The following GABRA3 variants were observed in gnomAD, a reference collection of about 807,000 sequenced individuals.
The protein encoded by GABRA3 is gamma-aminobutyric acid type A receptor subunit alpha3, also known as gamma-aminobutyric acid receptor subunit alpha-3.
Under a neutral mutation model 30.1 loss-of-function variants are expected in GABRA3, and 10 were observed. That is an observed-to-expected ratio of 0.33 (90% confidence interval 0.20 to 0.56). The LOEUF (loss-of-function observed/expected upper bound fraction) is 0.56, where lower values mean the gene tolerates loss of function less well. Among genes scored for constraint, GABRA3 ranks in the 20% least tolerant of loss-of-function variants. The pLI is 0.89. For synonymous variants in GABRA3, 151 were observed against 146.8 expected, an observed-to-expected ratio of 1.03 and a Z score of -0.21; for missense variants, 233 against 392.0, an observed-to-expected ratio of 0.59 and a Z score of 3.42.
At chrX:152,173,649 G>T (rs1199014253) in intron 9 of GABRA3, among the ~76,000 whole-genome samples, 3 of 109,989 alleles carry the variant, frequency 2.7e-5, no homozygotes, top group African/African-American at 9.9e-5. Flanking sequence ...AGAGAAGGGA[G>T]TTTCTCCATT....
At chrX:152,341,401 G>A (rs2124479416) in intron 3 of GABRA3, among the ~76,000 whole-genome samples, 1 of 110,415 alleles carries the variant, frequency 9.1e-6, no homozygotes, top group Non-Finnish European at 1.9e-5. Flanking sequence ...CCAAGTAGTG[G>A]GATTACTGGA....
intron 2 of GABRA3, 21 bp from the exon 3 acceptor site, chrX:152,345,723 G>GA (rs3830670): frequency 0.16 from 183,254 of 1,142,517 alleles, 12,531 homozygotes; most frequent in African/African-American, 0.46. Flanking sequence ...GCAAGGAAAA[G>GA]AAAAAAAATA....
At chrX:152,292,702 C>T (rs758516875) in intron 3 of GABRA3, among the ~76,000 whole-genome samples, 1 of 111,755 alleles carries the variant, frequency 8.9e-6, no homozygotes, top group East Asian at 2.8e-4. Context: ...ATATAAATTT[C>T]CCTCTACACA....
In GABRA3 at chrX:152,196,925, C is replaced by T. The variant is rs1225881646; in HGVS notation, c.931+708G>A. On this transcript the variant is annotated intron_variant, in intron 8 of 9. Transcript: ENST00000370314. ...AACTTCAGGATATTGGTAGAAACAC[C>T]TTCTGTGTGGATACCAAGTACACTC... 3.6e-5 allele frequency among the ~76,000 whole-genome samples: 4 copies of T among 112,375 alleles called. No homozygotes were observed. In the East Asian group the frequency reaches 1.1e-3, roughly 31 times the overall value.
At chrX:152,433,347 C>A (rs12690216) in intron 1 of GABRA3, among the ~76,000 whole-genome samples, 17 of 107,827 alleles carry the variant, frequency 1.6e-4, no homozygotes, top group East Asian at 8.9e-4. Context: ...AGGGCAAAAT[C>A]GTTTTCATTT....
chrX:152,325,382 C>G lies in GABRA3; in HGVS notation c.262+20199G>C, dbSNP rs371436812. ...CAGCATGGAGTTTGAGATCTGAGAA[C>G]GGACAGACTGCCTCCTCAAGTGGGT... On this transcript the variant is annotated intron_variant, in intron 3 of 9. Coordinates refer to ENST00000370314, the MANE Select transcript of GABRA3 (RefSeq NM_000808.4). Among the ~76,000 whole-genome samples, 78 of 111,457 alleles carry G rather than the reference C, an allele frequency of 7.0e-4. 1 individual carries two copies. The South Asian group carries it at 0.029, about 42-fold the overall frequency.
intron 5 of GABRA3, among the ~76,000 whole-genome samples, chrX:152,244,487 A>G (rs1230986882): frequency 8.9e-6 from 1 of 111,892 alleles, no homozygotes; most frequent in Non-Finnish European, 1.9e-5. Flanking sequence ...AAAAGTTGCC[A>G]TATTTGAAGC....
chrX:152,423,972 G>A (rs1006897767), intron 1 of GABRA3, among the ~76,000 whole-genome samples: 2 of 111,273 alleles, frequency 1.8e-5, no homozygotes, highest in African/African-American at 6.5e-5. Context: ...TAAAACTGTG[G>A]GAAGATAACT....
chrX:152,266,293 G>A (rs1938822731), intron 4 of GABRA3, among the ~76,000 whole-genome samples: 2 of 111,834 alleles, frequency 1.8e-5, no homozygotes, highest in South Asian at 7.4e-4. Flanking sequence ...ATGTCCAAGT[G>A]GGATTTATCC....
chrX:152,278,061 T>C (rs1195454800), intron 4 of GABRA3, among the ~76,000 whole-genome samples: 2 of 112,277 alleles, frequency 1.8e-5, no homozygotes, highest in Non-Finnish European at 3.8e-5. Flanking sequence ...TCATTCTCTA[T>C]TTTGAAGAAA....
chrX:152,292,442 T>C (rs1411053617), intron 3 of GABRA3, among the ~76,000 whole-genome samples: 1 of 111,716 alleles, frequency 9.0e-6, no homozygotes, highest in East Asian at 2.8e-4. Flanking sequence ...TCTCGTTTCT[T>C]CTTTATTAGT....
At chrX:152,178,309 CT>C (rs751117782) in intron 9 of GABRA3, among the ~76,000 whole-genome samples, 1 of 110,375 alleles carries the variant, frequency 9.1e-6, no homozygotes, top group South Asian at 3.9e-4. Flanking sequence ...ATGATTACTG[CT>C]AGGCCACTTA....
intron 4 of GABRA3, among the ~76,000 whole-genome samples, chrX:152,278,762 C>T (rs1043765208): frequency 8.9e-5 from 10 of 111,961 alleles, no homozygotes; most frequent in African/African-American, 3.2e-4. Flanking sequence ...CACATCCTCT[C>T]CAGTACCTGT....
chrX:152,430,245 A>C (rs1346147764), intron 1 of GABRA3, among the ~76,000 whole-genome samples: 1 of 112,105 alleles, frequency 8.9e-6, no homozygotes, highest in African/African-American at 3.2e-5. Context: ...AAACAGAAAA[A>C]TGAACTCAGC....
chrX:152,177,352 A>G (rs1937831841), intron 9 of GABRA3, among the ~76,000 whole-genome samples: 2 of 111,363 alleles, frequency 1.8e-5, no homozygotes, highest in Admixed American at 1.9e-4. Flanking sequence ...TCAAGAAAAA[A>G]CCACAGAAGA....
chrX:152,207,914 G>T, intron 7 of GABRA3, 87 bp downstream of exon 7: 1 of 845,573 alleles, frequency 1.2e-6, no homozygotes, highest in Non-Finnish European at 1.7e-6. Flanking sequence ...TTGTTTTGAA[G>T]ATTAAGTAAG....
chrX:152,284,725 A>G lies in GABRA3; in HGVS notation c.273T>C (p.Thr91=), dbSNP rs754458936. The change falls in exon 4 of 10, where the codon ACT becomes ACC. Residue 91 remains threonine (T), a synonymous_variant. Transcript: ENST00000370314. The part of the protein sequence containing the change: ...RLRPGLGDAV[T]EVKTDIYVTS... The stretch of plus-strand genomic sequence containing the variant: ...TCACGTAGATGTCAGTCTTCACTTC[A>G]GTCACTGCATCTGCGTGAAAGAAAG... The G allele has an allele frequency of 1.3e-5, 15 of 1,184,945 alleles. No individual in the cohort carries two copies. In the Admixed American group the frequency reaches 3.1e-4, roughly 25 times the overall value.
intron 9 of GABRA3, chrX:152,187,404 G>A (rs1431743660): frequency 8.9e-6 from 1 of 111,751 alleles, no homozygotes; most frequent in African/African-American, 3.3e-5. Context: ...AACAATCCCT[G>A]TTTTGAAATA....
At chrX:152,236,948 C>G (rs1317732301) in intron 5 of GABRA3, among the ~76,000 whole-genome samples, 1 of 105,506 alleles carries the variant, frequency 9.5e-6, no homozygotes, top group Non-Finnish European at 1.9e-5. Context: ...TGTAGGTTGC[C>G]TGTTCACTCT....
Sources: allele counts gnomAD v4.1 joint callset (sites outside exome capture counted in the v4.1 genomes callset), GRCh38; gene constraint gnomAD v4.1.1; transcripts MANE v1.5; gene names NCBI Gene and HGNC (gene_info 2026-07-23, HGNC 2026-07-21).